Variants in TNR observed in about 807,000 individuals in gnomAD.
TNR encodes the protein tenascin-R.
Under a neutral mutation model 150.4 loss-of-function variants are expected in TNR, and 45 were observed. The observed-to-expected ratio is 0.30, with a 90% CI of 0.24 to 0.38. TNR has a LOEUF of 0.38. Among genes scored for constraint, TNR ranks in the 10% least tolerant of loss-of-function variants. The pLI, the probability that TNR is intolerant of heterozygous loss-of-function variation, is 1.00. For synonymous variants in TNR, 687 were observed against 678.4 expected, an observed-to-expected ratio of 1.01 and a Z score of -0.20; for missense variants, 1,544 against 1,759.1, an observed-to-expected ratio of 0.88 and a Z score of 2.19.
chr1:175,516,349 T>G (rs1288536229), intron 2 of TNR, among the ~76,000 whole-genome samples: 1 of 152,112 alleles, frequency 6.6e-6, no homozygotes, highest in African/African-American at 2.4e-5. Context: ...ACCTGGAAGG[T>G]TAATGAATGA....
chr1:175,409,807 C>T (rs1571401011), intron 2 of TNR, among the ~76,000 whole-genome samples: 1 of 112,458 alleles, frequency 8.9e-6, no homozygotes, highest in Non-Finnish European at 1.6e-5. Flanking sequence ...TATTAAGTAC[C>T]TATTATATGC....
intron 9 of TNR, among the ~76,000 whole-genome samples, chr1:175,375,087 A>G (rs1334320122): frequency 6.6e-6 from 1 of 152,034 alleles, no homozygotes; most frequent in Non-Finnish European, 1.5e-5. Flanking sequence ...TTTTTTCGCT[A>G]AATTGCAATC....
intron 1 of TNR, among the ~76,000 whole-genome samples, chr1:175,738,696 A>G (rs1667841350): frequency 6.6e-6 from 1 of 152,210 alleles, no homozygotes; most frequent in South Asian, 2.1e-4. Context: ...CCCTTTGCCA[A>G]TTGGCATATT....
chr1:175,706,765 C>T (rs1475475783), intron 1 of TNR, among the ~76,000 whole-genome samples: 1 of 152,124 alleles, frequency 6.6e-6, no homozygotes, highest in Non-Finnish European at 1.5e-5. Flanking sequence ...TCCCCTTCTA[C>T]ATAAACAGCC....
At chr1:175,474,183 G>A (rs1038914584) in intron 2 of TNR, among the ~76,000 whole-genome samples, 3 of 152,062 alleles carry the variant, frequency 2.0e-5, no homozygotes, top group Admixed American at 6.6e-5. Context: ...ACCAGTTATG[G>A]GCTAAATTGT....
intron 2 of TNR, among the ~76,000 whole-genome samples, chr1:175,461,821 C>T (rs761549197): frequency 1.3e-5 from 2 of 152,260 alleles, no homozygotes; most frequent in South Asian, 2.1e-4. Flanking sequence ...CCTGGGCCTT[C>T]GGTTTGTCCT....
rs116520757 is a variant in TNR, at chr1:175,357,293, T to A, written c.2975-831A>T. Among the ~76,000 whole-genome samples the A allele has an allele frequency of 4.3e-3, 656 of 152,352 alleles. 3 individuals are homozygous for A. The highest frequency in any genetic ancestry group is 0.015 in the African/African-American group (634 of 41,590). Reference sequence around the variant, plus strand: ...TCTTCTCTGAATTCATTCAAGCTGTTGATAAAACTGTTCATTAGTTCAGGG... The same window carrying A: ...TCTTCTCTGAATTCATTCAAGCTGTAGATAAAACTGTTCATTAGTTCAGGG... On this transcript the variant is annotated intron_variant, in intron 15 of 22. Coordinates refer to ENST00000367674, the MANE Select transcript of TNR (RefSeq NM_003285.3).
chr1:175,372,655 G>T (rs1195378388), intron 9 of TNR, among the ~76,000 whole-genome samples: 3 of 152,202 alleles, frequency 2.0e-5, no homozygotes, highest in African/African-American at 4.8e-5. Flanking sequence ...GCCTGCTGTC[G>T]CTAGCAGGGA....
At chr1:175,602,725 A>T (rs1397434049) in intron 1 of TNR, among the ~76,000 whole-genome samples, 1 of 152,186 alleles carries the variant, frequency 6.6e-6, no homozygotes, top group Non-Finnish European at 1.5e-5. Context: ...AATCTCTATC[A>T]GTTATTAGAA....
At chr1:175,448,334 C>T (rs1488737603) in intron 2 of TNR, among the ~76,000 whole-genome samples, 1 of 152,180 alleles carries the variant, frequency 6.6e-6, no homozygotes, top group Non-Finnish European at 1.5e-5. Context: ...TCTCCTGTCT[C>T]CCGAGTAGCT....
At chr1:175,487,095 T>C (rs1263914614) in intron 2 of TNR, among the ~76,000 whole-genome samples, 1 of 152,238 alleles carries the variant, frequency 6.6e-6, no homozygotes, top group African/African-American at 2.4e-5. Context: ...CTGATGATAG[T>C]TTCTTTTGCT....
In TNR at chr1:175,484,493, C is replaced by G. The variant is rs80002224; in HGVS notation, c.-64+43776G>C. On this transcript the variant is annotated intron_variant, in intron 2 of 22. Transcript: ENST00000367674. ...CTCTTTCCTTTTGCAGTCCACCCTC[C>G]CCTGGCCTGTGTCTTGTTTCCTGCC... Among the ~76,000 whole-genome samples the G allele has an allele frequency of 5.0e-3, 767 of 152,224 alleles. 6 individuals carry two copies. Among genetic ancestry groups the G allele is most frequent in the African/African-American group, 0.017 (719 of 41,544 alleles).
chr1:175,551,640 G>A (rs75795547), intron 1 of TNR, among the ~76,000 whole-genome samples: 2 of 152,062 alleles, frequency 1.3e-5, no homozygotes, highest in East Asian at 3.9e-4. Flanking sequence ...TTTGTCAAAG[G>A]GTTTGCTAAC....
In TNR at chr1:175,403,502, G is replaced by C; in HGVS notation, c.614C>G (p.Pro205Arg). 1 of 1,614,196 alleles carries C rather than the reference G, an allele frequency of 6.2e-7. No individual in the cohort carries two copies. Among genetic ancestry groups the C allele is most frequent in the Non-Finnish European group, 8.5e-7 (1 of 1,180,040 alleles). Residue 205 changes from proline to arginine, a missense_variant, in exon 4 of 23, where the codon CCG (proline) becomes CGG (arginine). Pro to Arg is a moderately radical substitution (Grantham distance 103). Transcript: ENST00000367674. ...FGKNCSEPYC[P>R]LGCSSRGVCV... ...CACCCCCCGGCTGGAGCAACCCAGC[G>C]GGCAGTAGGGCTCCGAGCAATTCTT...
intron 18 of TNR, among the ~76,000 whole-genome samples, chr1:175,350,664 A>G (rs1213233068): frequency 6.6e-6 from 1 of 152,244 alleles, no homozygotes; most frequent in Non-Finnish European, 1.5e-5. Flanking sequence ...TGTGGCAGAA[A>G]CACAACAAGG....
intron 1 of TNR, among the ~76,000 whole-genome samples, chr1:175,739,380 A>G (rs1024858335): frequency 1.3e-5 from 2 of 152,140 alleles, no homozygotes; most frequent in African/African-American, 4.8e-5. Flanking sequence ...GAGATTCCCC[A>G]TCTTTATCCA....
At position 175,544,366 on chromosome 1, in the gene TNR, A is replaced by C. The variant is rs550333270; in HGVS notation, c.-164-15997T>G. Among the ~76,000 whole-genome samples the C allele has an allele frequency of 3.3e-5, 5 of 152,320 alleles. No homozygotes were observed. In the East Asian group the frequency reaches 7.7e-4, roughly 24 times the overall value. On this transcript the variant is annotated intron_variant, in intron 1 of 22. Transcript: ENST00000367674. ...GGAAGAGAGTAGAGACTTCTTTCAA[A>C]GGTAGAATGAATTATAGTTGACTCA...
intron 1 of TNR, among the ~76,000 whole-genome samples, chr1:175,574,842 G>A (rs1023155211): frequency 6.6e-6 from 1 of 152,182 alleles, no homozygotes; most frequent in Non-Finnish European, 1.5e-5. Context: ...AAGCACATGA[G>A]CTCCGTTCTG....
At chr1:175,716,065 A>G (rs1314093858) in intron 1 of TNR, among the ~76,000 whole-genome samples, 2 of 152,124 alleles carry the variant, frequency 1.3e-5, no homozygotes, top group African/African-American at 2.4e-5. Flanking sequence ...GGCCTTGGCT[A>G]ATGCAAATGG....
Sources: allele counts gnomAD v4.1 joint callset (sites outside exome capture counted in the v4.1 genomes callset), GRCh38; gene constraint gnomAD v4.1.1; transcripts MANE v1.5; gene names NCBI Gene and HGNC (gene_info 2026-07-23, HGNC 2026-07-21).